Variants in HSD17B12 observed in about 807,000 individuals in gnomAD.
The protein encoded by HSD17B12 is hydroxysteroid 17-beta dehydrogenase 12.
In HSD17B12, 32 loss-of-function variants were observed where a neutral mutation model predicts 39.3. That is an observed-to-expected ratio of 0.81 (90% CI 0.61 to 1.09). The LOEUF is 1.09. Among genes scored for constraint, HSD17B12 ranks in the 50% least tolerant of loss-of-function variants. HSD17B12 has a pLI of 0.00. For missense variants in HSD17B12, 342 were observed against 382.9 expected (o/e 0.89, Z 0.89); for synonymous variants, 150 against 146.7 (o/e 1.02, Z -0.16).
chr11:43,629,283 T>G, the HSD17B12 span, among the ~76,000 whole-genome samples: 1 of 152,194 alleles, frequency 6.6e-6, no homozygotes, highest in African/African-American at 2.4e-5. Flanking sequence ...TAGACAGACT[T>G]CTTGATAAAT....
At chr11:43,719,488 C>T (rs895439423) in intron 1 of HSD17B12, among the ~76,000 whole-genome samples, 3 of 152,086 alleles carry the variant, frequency 2.0e-5, no homozygotes, top group African/African-American at 7.2e-5. Flanking sequence ...AGGGTATTAG[C>T]ATCCATTTCA....
At chr11:43,686,436 C>G (rs949138339) in intron 1 of HSD17B12, among the ~76,000 whole-genome samples, 1 of 152,146 alleles carries the variant, frequency 6.6e-6, no homozygotes, top group Admixed American at 6.5e-5. Flanking sequence ...TAAGAGGAAA[C>G]AGATGCAACT....
intron 3 of HSD17B12, among the ~76,000 whole-genome samples, chr11:43,782,558 C>T (rs1032116308): frequency 9.9e-5 from 15 of 151,826 alleles, no homozygotes; most frequent in Admixed American, 9.9e-4. Flanking sequence ...AGCCTGTAGT[C>T]CCAGCTACTT....
intron 1 of HSD17B12, among the ~76,000 whole-genome samples, chr11:43,695,738 T>G (rs181799499): frequency 6.6e-6 from 1 of 152,122 alleles, no homozygotes; most frequent in African/African-American, 2.4e-5. Context: ...TGGGCTTAGG[T>G]TCTACCAGAA....
At chr11:43,621,850 A>C in the HSD17B12 span, among the ~76,000 whole-genome samples, 43 of 152,380 alleles carry the variant, frequency 2.8e-4, no homozygotes, top group African/African-American at 9.9e-4. Flanking sequence ...AAAGTCTTTC[A>C]GAGTTAAAAA....
the HSD17B12 span, among the ~76,000 whole-genome samples, chr11:43,646,814 A>G: frequency 1.3e-5 from 2 of 152,180 alleles, no homozygotes; most frequent in South Asian, 2.1e-4. Flanking sequence ...TATCACTCCA[A>G]TTCTGATGCT....
chr11:43,582,273 A>AAGCAGC, the HSD17B12 span, among the ~76,000 whole-genome samples: 1 of 152,232 alleles, frequency 6.6e-6, no homozygotes, highest in African/African-American at 2.4e-5. Context: ...GCAGGAACAG[A>AAGCAGC]AGCAGCAGCA....
the HSD17B12 span, chr11:43,581,408 CT>C: frequency 1.9e-6 from 1 of 518,210 alleles, no homozygotes; most frequent in Non-Finnish European, 4.0e-6. The surrounding 1 kb of genome is among the most constrained non-coding windows in gnomAD (Gnocchi z 4.9). Flanking sequence ...CTTCGCGAAT[CT>C]TTTTGCGGTC....
chr11:43,767,218 A>T (rs994774039), intron 3 of HSD17B12, among the ~76,000 whole-genome samples: 1 of 150,178 alleles, frequency 6.7e-6, no homozygotes, highest in Non-Finnish European at 1.5e-5. Context: ...AAAAAAAAAC[A>T]CTTTTTTTGG....
intron 1 of HSD17B12, among the ~76,000 whole-genome samples, chr11:43,714,948 T>A (rs975442385): frequency 2.0e-5 from 3 of 152,210 alleles, no homozygotes; most frequent in African/African-American, 7.2e-5. Flanking sequence ...TGTATAAGAA[T>A]GCTTGTGATT....
At chr11:43,805,485 G>C (rs1951009336) in intron 4 of HSD17B12, among the ~76,000 whole-genome samples, 1 of 152,130 alleles carries the variant, frequency 6.6e-6, no homozygotes, top group Non-Finnish European at 1.5e-5. Context: ...ATAAAATTAT[G>C]TTGAGAGAGC....
chr11:43,573,084 C>T, the HSD17B12 span, among the ~76,000 whole-genome samples: 1 of 152,200 alleles, frequency 6.6e-6, no homozygotes, highest in East Asian at 1.9e-4. Context: ...CACAAGCCCT[C>T]TGGGGGAGCA....
chr11:43,735,010 G>A (rs553150072), intron 1 of HSD17B12, among the ~76,000 whole-genome samples: 5 of 152,240 alleles, frequency 3.3e-5, no homozygotes, highest in African/African-American at 7.2e-5. Flanking sequence ...TGGATGTTTC[G>A]TGTAAATAGA....
intron 5 of HSD17B12, 61 bp downstream of exon 5, chr11:43,815,562 ATT>A (rs1951114504): frequency 1.9e-6 from 2 of 1,028,362 alleles, no homozygotes; most frequent in African/African-American, 3.1e-5. Context: ...TGGTATAATG[ATT>A]CACACTATGA....
At chr11:43,841,324 TCGTGAGTTGC>T (rs1470813697) in intron 9 of HSD17B12, among the ~76,000 whole-genome samples, 2 of 152,244 alleles carry the variant, frequency 1.3e-5, no homozygotes, top group African/African-American at 2.4e-5. Context: ...TTCTCCCACT[TCGTGAGTTGC>T]CATTTTATTC....
At chr11:43,766,743 T>G (rs1355239142) in intron 3 of HSD17B12, among the ~76,000 whole-genome samples, 6 of 152,228 alleles carry the variant, frequency 3.9e-5, no homozygotes, top group Non-Finnish European at 8.8e-5. Context: ...TGAAACTTCC[T>G]CATGTTCTTA....
chr11:43,787,362 T>G (rs201914824), intron 3 of HSD17B12, among the ~76,000 whole-genome samples: 1 of 152,222 alleles, frequency 6.6e-6, no homozygotes, highest in Non-Finnish European at 1.5e-5. Flanking sequence ...AGAGAGGCTG[T>G]TTTCTGTGTT....
the HSD17B12 span, among the ~76,000 whole-genome samples, chr11:43,590,437 CAAAA>C: frequency 1.5e-5 from 1 of 66,272 alleles, no homozygotes; most frequent in Non-Finnish European, 2.7e-5. Flanking sequence ...TTAAGTTTAG[CAAAA>C]AAAAAAAAAA....
the HSD17B12 span, among the ~76,000 whole-genome samples, chr11:43,628,986 A>G: frequency 6.6e-6 from 1 of 152,072 alleles, no homozygotes; most frequent in Non-Finnish European, 1.5e-5. Flanking sequence ...TCATCTCATT[A>G]CCACATTTCA....
Sources: gnomAD v4.1 joint callset for allele counts (sites outside exome capture counted in the v4.1 genomes callset) on GRCh38, gnomAD v4.1.1 for gene constraint, Gnocchi (gnomAD v3.1) non-coding constraint, MANE v1.5 for transcripts, NCBI Gene and HGNC (gene_info 2026-07-23, HGNC 2026-07-21) for gene names.